The following EIF3M variants were observed in gnomAD, a reference collection of about 807,000 sequenced individuals.
EIF3M encodes eukaryotic translation initiation factor 3 subunit M, also known as B5 receptor.
EIF3M carries 25 observed loss-of-function variants against 49.7 expected under a neutral mutation model. The observed-to-expected ratio is 0.50, with a 90% CI of 0.37 to 0.70. The LOEUF is 0.70. Among genes scored for constraint, EIF3M ranks in the 30% least tolerant of loss-of-function variants. The probability of loss-of-function intolerance (pLI) is 0.00; values close to 1 mark genes in which losing one functional copy is unlikely to be tolerated. For synonymous variants in EIF3M, 156 were observed against 149.8 expected (o/e 1.04, Z -0.30); for missense variants, 350 against 440.0 (o/e 0.80, Z 1.83).
At chr11:32,592,376 G>C (rs1855117451) in intron 5 of EIF3M, 1 of 552,952 alleles carries the variant, frequency 1.8e-6, no homozygotes, top group Non-Finnish European at 3.5e-6. Flanking sequence ...TGTAACTTCT[G>C]TGGTTTCAAT....
In EIF3M at chr11:32,603,102, G is replaced by T; in HGVS notation, c.*703G>T. The stretch of plus-strand genomic sequence containing the variant: ...GTCTGTAAAGCCTCTGCAGTTATGA[G>T]TATGTGGTAAAACCACCATCTCTTG... On this transcript the variant is annotated 3_prime_UTR_variant, in exon 11 of 11. Transcript: ENST00000531120. 1 of 1,149,612 alleles carries T rather than the reference G, an allele frequency of 8.7e-7. No homozygotes were observed. The highest frequency in any genetic ancestry group is 1.2e-6 in the Non-Finnish European group (1 of 806,462). The allele number at this position is 1,149,612 out of a possible 1,614,324, so 71.2% of individuals were successfully genotyped here. A position where few individuals can be genotyped will look rare whatever the true frequency, so the allele number is the denominator to read the frequency against.
At chr11:32,596,169 C>T (rs774163039) in intron 8 of EIF3M, 122 bp downstream of exon 8, 8 of 692,540 alleles carry the variant, frequency 1.2e-5, no homozygotes, top group African/African-American at 1.1e-4. Flanking sequence ...TAAAAGGAGT[C>T]GTGTATGATA....
intron 5 of EIF3M, chr11:32,592,696 C>T (rs562968860): frequency 4.3e-5 from 22 of 508,746 alleles, no homozygotes; most frequent in African/African-American, 4.3e-4. Context: ...AAACTACCAT[C>T]TCTAGTTTCA....
Position 32,588,711 on chromosome 11 carries a change from G to A in EIF3M, c.293G>A (p.Arg98His). 10 of 1,614,118 alleles carry A rather than the reference G, an allele frequency of 6.2e-6. No individual in the cohort carries two copies. Among genetic ancestry groups the A allele is most frequent in the African/African-American group, 1.3e-5 (1 of 75,002 alleles). Residue 98 changes from arginine (R) to histidine (H), a missense_variant, in exon 3 of 11, where the codon CGC becomes CAC. Transcript: ENST00000531120. The part of the protein sequence containing the change: ...EKLVKFREGE[R>H]PSLRLQLLSN... The stretch of plus-strand genomic sequence containing the variant: ...CTGGTCAAATTTCGCGAAGGTGAAC[G>A]CCCGTCTCTGAGACTGCAGTTGTAA...
At position 32,592,884 on chromosome 11, in the gene EIF3M, C is replaced by T. The variant is rs187354374; in HGVS notation, c.534-982C>T. ...TCACAGGTGCAATTGTAGTGCATTA[C>T]AGCCTTGAATTCCTGGGCTCAAGCA... On this transcript the variant is annotated intron_variant, in intron 5 of 10. Transcript: ENST00000531120. 4.8e-4 allele frequency: 126 copies of T among 264,918 alleles called. 1 individual carries two copies. The highest frequency in any genetic ancestry group is 2.2e-3 in the African/African-American group (95 of 43,634). The allele number at this position is 264,918 out of a possible 1,614,324, so 16.4% of individuals were successfully genotyped here. A position where few individuals can be genotyped will look rare whatever the true frequency, so the allele number is the denominator to read the frequency against.
chr11:32,602,586 TTC>T lies in EIF3M; in HGVS notation c.*189_*190del. The T allele has an allele frequency of 1.2e-6, 1 of 807,628 alleles. No individual in the cohort carries two copies. The highest frequency in any genetic ancestry group is 3.2e-5 in the Admixed American group (1 of 31,020). 50.0% of individuals were successfully genotyped at this position (807,628 alleles called of 1,614,324 possible). On this transcript the variant is annotated 3_prime_UTR_variant, in exon 11 of 11. Coordinates refer to ENST00000531120, the MANE Select transcript of EIF3M (RefSeq NM_006360.6). ...CAATGTCTGTCATACAATACATAAA[TTC>T]TGTTCTTTAAAAAAGGATATTGAAG...
chr11:32,602,674 C>T lies in EIF3M; in HGVS notation c.*275C>T. On this transcript the variant is annotated 3_prime_UTR_variant, in exon 11 of 11. Coordinates refer to ENST00000531120, the MANE Select transcript of EIF3M (RefSeq NM_006360.6). ...GAGAGAAGACAGAAGTAGAGTAATA[C>T]AATTTCTTCACATTAGAAAAACTTG... is the stretch of plus-strand genomic sequence containing the variant. The T allele has an allele frequency of 3.7e-6, 3 of 809,106 alleles. No individual in the cohort carries two copies. The highest frequency in any genetic ancestry group is 5.7e-6 in the Non-Finnish European group (3 of 526,966). The allele number at this position is 809,106 out of a possible 1,614,324, so 50.1% of individuals were successfully genotyped here.
At chr11:32,588,814 T>G in intron 3 of EIF3M, 82 bp downstream of exon 3, 1 of 1,585,506 alleles carries the variant, frequency 6.3e-7, no homozygotes, top group Non-Finnish European at 8.6e-7. Context: ...GAGCAGGAAT[T>G]CTGGAACTTG....
intron 1 of EIF3M, among the ~76,000 whole-genome samples, chr11:32,585,144 T>A (rs1011781295): frequency 2.0e-5 from 3 of 151,210 alleles, no homozygotes; most frequent in African/African-American, 7.3e-5. Flanking sequence ...AAGAGCAAAG[T>A]AAGAAGGGAA....
At chr11:32,585,225 A>G (rs1246536006) in intron 1 of EIF3M, among the ~76,000 whole-genome samples, 1 of 152,238 alleles carries the variant, frequency 6.6e-6, no homozygotes, top group Non-Finnish European at 1.5e-5. Flanking sequence ...AAAGACAAAA[A>G]GATACCTGAT....
In EIF3M at chr11:32,603,263, A is replaced by G. The variant is rs1855300806; in HGVS notation, c.*864A>G. The G allele has an allele frequency of 5.3e-6, 2 of 374,334 alleles. No individual in the cohort carries two copies. Among genetic ancestry groups the G allele is most frequent in the African/African-American group, 4.2e-5 (2 of 47,934 alleles). The allele number at this position is 374,334 out of a possible 1,614,324, so 23.2% of individuals were successfully genotyped here. On this transcript the variant is annotated 3_prime_UTR_variant, in exon 11 of 11. Transcript: ENST00000531120. ...TACAAAAACTGCCTTTTACTACTTCATGTTTCCTCCCATGCTTCAGAACAC... is the reference window on the plus strand; with the variant it reads ...TACAAAAACTGCCTTTTACTACTTCGTGTTTCCTCCCATGCTTCAGAACAC...
chr11:32,584,189 G>C (rs1854955302), intron 1 of EIF3M: 1 of 566,474 alleles, frequency 1.8e-6, no homozygotes, highest in Admixed American at 3.1e-5. Flanking sequence ...TGACGACATA[G>C]TACTTTTAGA....
chr11:32,589,510 T>A, intron 4 of EIF3M, 37 bp from the exon 5 acceptor site: 1 of 1,562,332 alleles, frequency 6.4e-7, no homozygotes, highest in South Asian at 1.1e-5. Flanking sequence ...ACTTTATATG[T>A]GTTACTCAGT....
intron 5 of EIF3M, 110 bp downstream of exon 5, chr11:32,589,751 A>G (rs984248141): frequency 2.1e-5 from 16 of 748,170 alleles, no homozygotes; most frequent in Non-Finnish European, 3.0e-5. Flanking sequence ...TGTTCTCCAC[A>G]GAGTTGCTAT....
chr11:32,601,661 A>G, intron 9 of EIF3M, 101 bp from the exon 10 acceptor site: 1 of 1,087,838 alleles, frequency 9.2e-7, no homozygotes, highest in Non-Finnish European at 1.3e-6. Context: ...GGAAAACAGT[A>G]TAAAGTTTTA....
At chr11:32,584,045 A>T in intron 1 of EIF3M, 116 bp downstream of exon 1, 1 of 1,374,642 alleles carries the variant, frequency 7.3e-7, no homozygotes, top group Non-Finnish European at 1.0e-6. Context: ...GCTGTTCTAC[A>T]CGCGAGAATG....
At position 32,584,139 on chromosome 11, in the gene EIF3M, C is replaced by A. The variant is rs960622661; in HGVS notation, c.42+210C>A. The A allele has an allele frequency of 4.9e-6, 3 of 609,416 alleles. No individual in the cohort carries two copies. The African/African-American group carries it at 5.7e-5, about 12-fold the overall frequency. 37.8% of individuals were successfully genotyped at this position (609,416 alleles called of 1,614,324 possible). A position where few individuals can be genotyped will look rare whatever the true frequency, so the allele number is the denominator to read the frequency against. ...GGCGGTCCCAGCGCGGGGCCCGACG[C>A]TTCACCGCCAGCTCCCTGGTCGGCG... On this transcript the variant is annotated intron_variant, in intron 1 of 10. Transcript: ENST00000531120.
At chr11:32,588,932 A>T in intron 3 of EIF3M, 80 bp from the exon 4 acceptor site, 2 of 1,567,428 alleles carry the variant, frequency 1.3e-6, no homozygotes, top group Non-Finnish European at 1.7e-6. Flanking sequence ...TACCTGCCAC[A>T]GGTTTGTGGT....
At chr11:32,586,790 T>G in intron 1 of EIF3M, 2 of 373,352 alleles carry the variant, frequency 5.4e-6, no homozygotes, top group African/African-American at 2.1e-5. Flanking sequence ...AGGTGATCCA[T>G]GGGGGCTGTA....
Sources: allele counts gnomAD v4.1 joint callset (sites outside exome capture counted in the v4.1 genomes callset), GRCh38; gene constraint gnomAD v4.1.1; transcripts MANE v1.5; gene names NCBI Gene and HGNC (gene_info 2026-07-23, HGNC 2026-07-21).